DRC4: variants seen among roughly 807,000 people sequenced by gnomAD.
DRC4 encodes dynein regulatory complex subunit 4, also known as GAS-11.
At chr16:90,023,353 GGC>G in the DRC4 span, among the ~76,000 whole-genome samples, 3 of 152,132 alleles carry the variant, frequency 2.0e-5, no homozygotes, top group East Asian at 5.8e-4. Context: ...CGGAGCTCGT[GGC>G]CTCATCAGCT....
chr16:90,040,077 G>A, the DRC4 span: 1 of 588,388 alleles, frequency 1.7e-6, no homozygotes, highest in Non-Finnish European at 3.0e-6. Flanking sequence ...TGAGAGAAGG[G>A]CTTATGCTGA....
the DRC4 span, chr16:90,019,913 G>A: frequency 1.5e-6 from 1 of 678,564 alleles, no homozygotes; most frequent in East Asian, 2.8e-5. The surrounding 1 kb of genome is among the most constrained non-coding windows in gnomAD (Gnocchi z 6.1). Context: ...GGGTGGGGGC[G>A]AGGGCGTGTG....
At chr16:90,036,157 C>T in the DRC4 span, 1 of 586,818 alleles carries the variant, frequency 1.7e-6, no homozygotes, top group South Asian at 2.3e-5. Context: ...ATTAGCAATG[C>T]CTGTCACTGG....
the DRC4 span, chr16:90,020,197 G>GC: frequency 2.0e-6 from 1 of 497,720 alleles, no homozygotes; most frequent in Non-Finnish European, 3.6e-6. Context: ...AAGTCCGTTT[G>GC]CAGGAGCATT....
At chr16:90,043,093 C>A in the DRC4 span, 3 of 1,329,666 alleles carry the variant, frequency 2.3e-6, no homozygotes, top group Non-Finnish European at 3.1e-6. Flanking sequence ...CTTTATCCTT[C>A]TGCACCGTGA....
chr16:90,033,522 C>T, the DRC4 span, among the ~76,000 whole-genome samples: 12 of 152,318 alleles, frequency 7.9e-5, no homozygotes, highest in Non-Finnish European at 1.2e-4. Context: ...AAAACATTAG[C>T]TGGTGTAGTG....
At chr16:90,038,548 C>T in the DRC4 span, among the ~76,000 whole-genome samples, 2 of 152,168 alleles carry the variant, frequency 1.3e-5, no homozygotes, top group African/African-American at 2.4e-5. Context: ...TGTGAGATTG[C>T]TTCTTAGGAA....
chr16:90,032,685 A>G, the DRC4 span: 1 of 1,603,422 alleles, frequency 6.2e-7, no homozygotes, highest in Non-Finnish European at 8.5e-7. Flanking sequence ...GGTGTGGTGC[A>G]GGTGAGCAGA....
At chr16:90,031,506 G>A in the DRC4 span, 1 of 1,551,310 alleles carries the variant, frequency 6.4e-7, no homozygotes, top group Non-Finnish European at 8.7e-7. Context: ...GGTGAGTGGG[G>A]CCGGCCTGCA....
chr16:90,029,327 C>A, the DRC4 span: 1 of 1,362,516 alleles, frequency 7.3e-7, no homozygotes, highest in African/African-American at 1.5e-5. Flanking sequence ...TGCCCCGCAG[C>A]AGAGGACAGT....
At chr16:90,021,481 T>A in the DRC4 span, among the ~76,000 whole-genome samples, 1 of 151,806 alleles carries the variant, frequency 6.6e-6, no homozygotes, top group South Asian at 2.1e-4. Flanking sequence ...TGAAGTGGTG[T>A]GATCTTGGCT....
At chr16:90,037,376 G>A in the DRC4 span, 12 of 1,613,468 alleles carry the variant, frequency 7.4e-6, no homozygotes, top group Admixed American at 1.7e-5. Context: ...CGCAAACTAC[G>A]AGAGGGACAA....
chr16:90,027,525 A>C, the DRC4 span: 1 of 1,008,686 alleles, frequency 9.9e-7, no homozygotes, highest in South Asian at 1.4e-5. Context: ...GGTGAGCAGA[A>C]GGGAGAGAGG....
chr16:90,036,840 G>C, the DRC4 span: 1 of 621,556 alleles, frequency 1.6e-6, no homozygotes, highest in African/African-American at 1.8e-5. Flanking sequence ...AGTGTGTTCT[G>C]GTTTGTAAAA....
the DRC4 span, among the ~76,000 whole-genome samples, chr16:90,024,158 A>ACACACCCACACACAC: frequency 6.6e-6 from 1 of 151,148 alleles, no homozygotes; most frequent in Admixed American, 6.6e-5. Context: ...ACACACACAC[A>ACACACCCACACACAC]AAATTAGCCG....
At chr16:90,032,762 C>T in the DRC4 span, 1 of 1,613,958 alleles carries the variant, frequency 6.2e-7, no homozygotes, top group Non-Finnish European at 8.5e-7. Context: ...AGCACCAGAA[C>T]AACCTGACAG....
chr16:90,037,474 G>T, the DRC4 span: 3 of 1,497,428 alleles, frequency 2.0e-6, no homozygotes, highest in Non-Finnish European at 2.7e-6. Flanking sequence ...GCATCACAGG[G>T]AGGGGCTTGG....
the DRC4 span, among the ~76,000 whole-genome samples, chr16:90,032,538 G>C: frequency 3.5e-5 from 5 of 142,896 alleles, no homozygotes; most frequent in African/African-American, 1.3e-4. Flanking sequence ...TGGGTGACCA[G>C]GTGTGTACAG....
chr16:90,027,195 C>T, the DRC4 span, among the ~76,000 whole-genome samples: 2 of 151,664 alleles, frequency 1.3e-5, no homozygotes, highest in Non-Finnish European at 2.9e-5. Context: ...AAGCCATTCT[C>T]CTGCCTCAGC....
Sources: allele counts gnomAD v4.1 joint callset (sites outside exome capture counted in the v4.1 genomes callset), GRCh38; gene constraint gnomAD v4.1.1; non-coding constraint Gnocchi (gnomAD v3.1); transcripts MANE v1.5; gene names NCBI Gene and HGNC (gene_info 2026-07-23, HGNC 2026-07-21).